POLRMT: variants seen among roughly 807,000 people sequenced by gnomAD.
The protein encoded by POLRMT is DNA-directed RNA polymerase, mitochondrial.
POLRMT carries 114 observed loss-of-function variants against 132.2 expected under a neutral mutation model. The observed-to-expected ratio is 0.86, with a 90% CI of 0.74 to 1.01. POLRMT has a LOEUF of 1.01. Among genes scored for constraint, POLRMT ranks in the 50% least tolerant of loss-of-function variants. The pLI is 0.00. For synonymous variants in POLRMT, 1,020 were observed against 773.4 expected (o/e 1.32, Z -5.29); for missense variants, 2,003 against 1,729.1 (o/e 1.16, Z -2.81).
chr19:629,407 C>A, intron 3 of POLRMT, 133 bp downstream of exon 3: 1 of 1,002,240 alleles, frequency 1.0e-6, no homozygotes, highest in Non-Finnish European at 1.3e-6. Flanking sequence ...ATTTGAAAAG[C>A]CTAAAAGAAT....
At chr19:628,519 G>A (rs530521624) in intron 3 of POLRMT, among the ~76,000 whole-genome samples, 4 of 152,292 alleles carry the variant, frequency 2.6e-5, no homozygotes, top group South Asian at 2.1e-4. Flanking sequence ...TCTCTACCAC[G>A]AATTGGTCTT....
At chr19:631,907 T>C (rs1006644509) in intron 2 of POLRMT, among the ~76,000 whole-genome samples, 1 of 152,158 alleles carries the variant, frequency 6.6e-6, no homozygotes, top group Non-Finnish European at 1.5e-5. Context: ...CCTGAGTAGC[T>C]GGCACTGCAG....
chr19:627,339 G>C (rs569624508), intron 3 of POLRMT, among the ~76,000 whole-genome samples: 2 of 151,550 alleles, frequency 1.3e-5, no homozygotes, highest in South Asian at 4.2e-4. Flanking sequence ...ATTTTTAGTA[G>C]AGACGGGGTT....
chr19:625,185 A>G lies in POLRMT; in HGVS notation c.892T>C (p.Ser298Pro). ...ATGCACTGGAGGGCAGCCGCATAGG[A>G]CAGCAGGTCCGGAGTCAAGCCGGCA... ...KDAGLTPDLL[S>P]YAAALQCMGR... is the part of the protein sequence containing the mutation. The change falls in exon 4 of 21, where the codon TCC becomes CCC. Residue 298 changes from serine to proline, a missense_variant. Physicochemically the swap from Ser to Pro is moderately conservative, Grantham distance 74. Transcript: ENST00000588649. 1 of 1,613,916 alleles carries G rather than the reference A, an allele frequency of 6.2e-7. No individual in the cohort carries two copies. The highest frequency in any genetic ancestry group is 8.5e-7 in the Non-Finnish European group (1 of 1,179,940).
chr19:621,195 G>A lies in POLRMT; in HGVS notation c.2503C>T (p.Pro835Ser). 2 of 1,610,546 alleles carry A rather than the reference G, an allele frequency of 1.2e-6. No homozygotes were observed. Among genetic ancestry groups the A allele is most frequent in the African/African-American group, 1.3e-5 (1 of 74,892 alleles). Residue 835 changes from proline to serine, a missense_variant, in exon 10 of 21, where the codon CCG becomes TCG. Physicochemically the swap from Pro to Ser is moderately conservative, Grantham distance 74. Transcript: ENST00000588649. ...ATCTTGAGCCAATCCAGGCCGTGCG[G>A]GCCGAGCGGGCGGCCCTGGGCGAAC... Reference protein sequence around the residue: ...LEFAQGRPLGPHGLDWLKIHL... With the variant: ...LEFAQGRPLGSHGLDWLKIHL...
rs765823204 is a variant in POLRMT, at chr19:618,686, G to C, written c.3323+19C>G. On this transcript the variant is annotated intron_variant, in intron 16 of 20. Coordinates refer to ENST00000588649, the MANE Select transcript of POLRMT (RefSeq NM_005035.4). ...TCTCCAGACCCCCGGCCAGGCCCCA[G>C]CCCGGGCCCCCCACTCACCGGCTGA... The C allele has an allele frequency of 1.3e-6, 2 of 1,599,168 alleles. No individual in the cohort carries two copies. Among genetic ancestry groups the C allele is most frequent in the Non-Finnish European group, 1.7e-6 (2 of 1,170,276 alleles).
At chr19:618,861 G>T in intron 15 of POLRMT, 101 bp from the exon 16 acceptor site, 1 of 1,406,900 alleles carries the variant, frequency 7.1e-7, no homozygotes, top group Non-Finnish European at 9.8e-7. Context: ...TAGGATGGTG[G>T]CACACTGGCG....
intron 10 of POLRMT, 61 bp from the exon 11 acceptor site, chr19:620,548 G>A: frequency 4.8e-6 from 7 of 1,468,098 alleles, no homozygotes; most frequent in Non-Finnish European, 4.5e-6. Flanking sequence ...CCCGCTGGGA[G>A]GCTGTGTTGC....
At position 622,378 on chromosome 19, in the gene POLRMT, A is replaced by G; in HGVS notation, c.1627-5T>C. 8 of 1,543,782 alleles carry G rather than the reference A, an allele frequency of 5.2e-6. No homozygotes were observed. Among genetic ancestry groups the G allele is most frequent in the Non-Finnish European group, 6.1e-6 (7 of 1,144,860 alleles). ...CGGCAGGCAGGGCTCGGGCACCTGTAGGACAGGGCGGTCAGGGCGCTGGGC... is the reference window on the plus strand; with the variant it reads ...CGGCAGGCAGGGCTCGGGCACCTGTGGGACAGGGCGGTCAGGGCGCTGGGC... On this transcript the variant is annotated splice_polypyrimidine_tract_variant and splice_region_variant and intron_variant, in intron 8 of 20. Transcript: ENST00000588649.
rs766441013 is a variant in POLRMT at position 617,501 on chromosome 19, G to A, written c.3582-21C>T. 13 of 1,610,650 alleles carry A rather than the reference G, an allele frequency of 8.1e-6. 1 individual carries two copies. The highest frequency in any genetic ancestry group is 3.9e-4 in the Middle Eastern group (2 of 5,138). On this transcript the variant is annotated intron_variant, in intron 19 of 20. Transcript: ENST00000588649. ...GGGGCCTGGGGTTGGAAGCAGGGTG[G>A]GGTGAGGCTGAGGCCAGGTTTTGGG...
chr19:625,892 G>A (rs973188623), intron 3 of POLRMT, among the ~76,000 whole-genome samples: 10 of 151,796 alleles, frequency 6.6e-5, no homozygotes, highest in East Asian at 5.9e-4. Flanking sequence ...TAGCAGATAC[G>A]GGGTTTCACC....
At position 633,533 on chromosome 19, in the gene POLRMT, A is replaced by G. The variant is rs747979468; in HGVS notation, c.-21T>C. ...GACATTACGCACGCCGCTCCAGGCC[A>G]CCCCACCGGCCCGCGCCTGCGCATG... On this transcript the variant is annotated 5_prime_UTR_variant, in exon 1 of 21. Coordinates refer to ENST00000588649, the MANE Select transcript of POLRMT (RefSeq NM_005035.4). The G allele has an allele frequency of 8.6e-4, 567 of 656,704 alleles. 43 individuals carry two copies. Among genetic ancestry groups the G allele is most frequent in the South Asian group, 3.9e-3 (100 of 25,864 alleles). The allele number at this position is 656,704 out of a possible 1,614,324, so 40.7% of individuals were successfully genotyped here.
intron 2 of POLRMT, 110 bp downstream of exon 2, chr19:632,724 G>A (rs1252802323): frequency 1.0e-5 from 9 of 896,524 alleles, no homozygotes; most frequent in Non-Finnish European, 1.3e-5. Flanking sequence ...CCTGGGACCC[G>A]AGAGGTGGAG....
In POLRMT at chr19:630,462, C is replaced by G. The variant is rs375460232; in HGVS notation, c.194-294G>C. On this transcript the variant is annotated intron_variant, in intron 2 of 20. Coordinates refer to ENST00000588649, the MANE Select transcript of POLRMT (RefSeq NM_005035.4). The stretch of plus-strand genomic sequence containing the variant: ...TCCCCGGTCACTGGCCGCTCAGACC[C>G]TCCAGGTGCACAGGCCCAGAACCCG... 7.1e-3 allele frequency among the ~76,000 whole-genome samples: 1,082 copies of G among 152,234 alleles called. 17 individuals are homozygous for G. Among genetic ancestry groups the G allele is most frequent in the African/African-American group, 0.023 (970 of 41,528 alleles).
intron 6 of POLRMT, 56 bp downstream of exon 6, chr19:623,398 C>A: frequency 6.3e-7 from 1 of 1,592,136 alleles, no homozygotes; most frequent in Non-Finnish European, 8.5e-7. Flanking sequence ...GTGCGGTGGA[C>A]ACGCGACCCC....
At chr19:629,116 G>A (rs181032655) in intron 3 of POLRMT, among the ~76,000 whole-genome samples, 1 of 152,324 alleles carries the variant, frequency 6.6e-6, no homozygotes, top group Admixed American at 6.5e-5. Context: ...CAGAGGGAAT[G>A]CGGCGCCAGT....
intron 1 of POLRMT, 40 bp downstream of exon 1, chr19:633,385 C>A (rs1428085461): frequency 1.4e-6 from 2 of 1,468,594 alleles, no homozygotes; most frequent in Non-Finnish European, 9.0e-7. Flanking sequence ...GAGCCCACGC[C>A]GTGGCCCCCG....
chr19:632,160 C>A (rs984758547), intron 2 of POLRMT, among the ~76,000 whole-genome samples: 1 of 149,984 alleles, frequency 6.7e-6, no homozygotes, highest in Non-Finnish European at 1.5e-5. Context: ...GGCCTCGAAC[C>A]CCCGACCTCT....
intron 15 of POLRMT, 89 bp from the exon 16 acceptor site, chr19:618,849 G>A (rs1377949594): frequency 2.2e-5 from 32 of 1,455,938 alleles, no homozygotes; most frequent in African/African-American, 5.6e-5. Flanking sequence ...GTAGTGGCAC[G>A]CTAGGATGGT....
Sources: allele counts gnomAD v4.1 joint callset (sites outside exome capture counted in the v4.1 genomes callset), GRCh38; gene constraint gnomAD v4.1.1; transcripts MANE v1.5; gene names NCBI Gene and HGNC (gene_info 2026-07-23, HGNC 2026-07-21).